The following ATG4C variants were observed in gnomAD, a reference collection of about 807,000 sequenced individuals.
The protein encoded by ATG4C is autophagy related 4C cysteine peptidase, also known as cysteine protease ATG4C.
ATG4C carries 56 observed loss-of-function variants against 57.6 expected under a neutral mutation model. The ratio of observed to expected loss-of-function variants is 0.97; its 90% CI spans 0.78 to 1.21. ATG4C has a LOEUF of 1.21. Among genes scored for constraint, ATG4C ranks in the 50% most tolerant of loss-of-function variants. The pLI, the probability that ATG4C is intolerant of heterozygous loss-of-function variation, is 0.00. For missense variants in ATG4C, 595 were observed against 529.8 expected, an observed-to-expected ratio of 1.12 and a Z score of -1.21; for synonymous variants, 157 against 174.1, an observed-to-expected ratio of 0.90 and a Z score of 0.78.
chr1:62,859,776 A>G (rs1172246131), intron 10 of ATG4C, among the ~76,000 whole-genome samples: 1 of 151,898 alleles, frequency 6.6e-6, no homozygotes, highest in African/African-American at 2.4e-5. Flanking sequence ...ACTGACTGCA[A>G]CCTCCGCCTC....
chr1:62,817,245 T>C (rs1338230159), intron 4 of ATG4C, among the ~76,000 whole-genome samples: 1 of 152,212 alleles, frequency 6.6e-6, no homozygotes, highest in Non-Finnish European at 1.5e-5. Context: ...CTCTGGTTTC[T>C]TTATTTTCTC....
chr1:62,832,857 C>G (rs555596450), intron 7 of ATG4C, among the ~76,000 whole-genome samples: 1 of 152,202 alleles, frequency 6.6e-6, no homozygotes, highest in East Asian at 1.9e-4. Flanking sequence ...ATATAGATCT[C>G]TATTTATTGA....
intron 1 of ATG4C, among the ~76,000 whole-genome samples, chr1:62,793,998 T>C (rs1664380585): frequency 6.6e-6 from 1 of 152,232 alleles, no homozygotes; most frequent in South Asian, 2.1e-4. Context: ...CAGAGGTTAC[T>C]AAGAACCTGA....
chr1:62,841,391 A>T (rs759709185), intron 9 of ATG4C, 37 bp from the exon 10 acceptor site: 1 of 1,541,316 alleles, frequency 6.5e-7, no homozygotes, highest in South Asian at 1.2e-5. Flanking sequence ...TTGTCTATCA[A>T]AGATAAATTA....
At chr1:62,813,760 AC>A (rs1310737149) in intron 3 of ATG4C, among the ~76,000 whole-genome samples, 8 of 152,332 alleles carry the variant, frequency 5.3e-5, no homozygotes, top group East Asian at 3.9e-4. Context: ...CAAGAAAAAA[AC>A]AATCCCATCA....
intron 10 of ATG4C, among the ~76,000 whole-genome samples, chr1:62,862,646 G>T (rs1401991814): frequency 1.3e-5 from 2 of 151,748 alleles, no homozygotes; most frequent in African/African-American, 4.8e-5. Flanking sequence ...ATGAACTATA[G>T]GATCTGATTT....
In ATG4C at chr1:62,809,973, A is replaced by C. The variant is rs138452959; in HGVS notation, c.160+4718A>C. Among the ~76,000 whole-genome samples the C allele has an allele frequency of 3.3e-5, 5 of 152,250 alleles. No individual in the cohort carries two copies. In the East Asian group the frequency reaches 7.7e-4, roughly 23 times the overall value. On this transcript the variant is annotated intron_variant, in intron 3 of 10. Coordinates refer to ENST00000317868, the MANE Select transcript of ATG4C (RefSeq NM_032852.4). ...TGAAACACTGTTGGTGGGAGGGTAA[A>C]TTGGTCTAACCTGTTTGTGAGAAAT...
chr1:62,788,117 CTTA>C (rs1216142110), intron 1 of ATG4C, among the ~76,000 whole-genome samples: 1 of 152,094 alleles, frequency 6.6e-6, no homozygotes, highest in Non-Finnish European at 1.5e-5. Flanking sequence ...TTTGTGATTA[CTTA>C]TTGTTTGTTA....
At chr1:62,845,960 C>T (rs563843858) in intron 10 of ATG4C, among the ~76,000 whole-genome samples, 5 of 152,230 alleles carry the variant, frequency 3.3e-5, no homozygotes, top group African/African-American at 1.2e-4. Context: ...TGTCAGCCTC[C>T]CAAAGGTAGA....
At chr1:62,809,239 A>G (rs1292596567) in intron 3 of ATG4C, among the ~76,000 whole-genome samples, 1 of 152,036 alleles carries the variant, frequency 6.6e-6, no homozygotes, top group Non-Finnish European at 1.5e-5. Context: ...GTGCCAGCCA[A>G]GAAGAACTTG....
At chr1:62,802,560 A>G (rs10889381) in intron 1 of ATG4C, among the ~76,000 whole-genome samples, 38,263 of 151,888 alleles carry the variant, frequency 0.25, 6,762 homozygotes, top group African/African-American at 0.5. Context: ...ATCTACTTTT[A>G]TTCCTTTCCA....
chr1:62,810,540 AATTGTCGTGAC>A (rs1299656631), intron 3 of ATG4C, among the ~76,000 whole-genome samples: 2 of 152,142 alleles, frequency 1.3e-5, no homozygotes, highest in Non-Finnish European at 2.9e-5. Flanking sequence ...TTGATGCTCA[AATTGTCGTGAC>A]ATTGGCCAGT....
intron 6 of ATG4C, among the ~76,000 whole-genome samples, chr1:62,825,337 A>G (rs1453842628): frequency 6.6e-6 from 1 of 151,836 alleles, no homozygotes. Context: ...CTCAGTCCTC[A>G]TATCACACAA....
intron 1 of ATG4C, among the ~76,000 whole-genome samples, chr1:62,802,021 C>G (rs919562917): frequency 6.8e-6 from 1 of 146,600 alleles, no homozygotes; most frequent in Non-Finnish European, 1.5e-5. Context: ...GCTTGTGTTT[C>G]TCAGAGACAT....
At chr1:62,824,281 G>T (rs1228295672) in intron 6 of ATG4C, among the ~76,000 whole-genome samples, 1 of 152,124 alleles carries the variant, frequency 6.6e-6, no homozygotes, top group Non-Finnish European at 1.5e-5. Flanking sequence ...GAAGATGAAG[G>T]GTAAGAATGC....
Position 62,829,188 on chromosome 1 carries a change from G to A in ATG4C, c.933+12G>A, listed in dbSNP as rs752159952. On this transcript the variant is annotated intron_variant, in intron 7 of 10. Coordinates refer to ENST00000317868, the MANE Select transcript of ATG4C (RefSeq NM_032852.4). ...TAGAATTTGTGAAGGTATGAAATAA[G>A]TGCTGAACTTTTTTAGGGCAATACT... 6.2e-7 allele frequency: 1 copy of A among 1,610,956 alleles called. No homozygotes were observed. The highest frequency in any genetic ancestry group is 1.3e-5 in the African/African-American group (1 of 74,892).
chr1:62,856,819 A>G (rs187757416), intron 10 of ATG4C, among the ~76,000 whole-genome samples: 3 of 152,276 alleles, frequency 2.0e-5, no homozygotes, highest in Admixed American at 1.3e-4. Context: ...CCTGAGCAGA[A>G]CCACCAAGGT....
At chr1:62,813,464 GACTTAAACT>G (rs1265714932) in intron 3 of ATG4C, among the ~76,000 whole-genome samples, 1 of 152,168 alleles carries the variant, frequency 6.6e-6, no homozygotes, top group African/African-American at 2.4e-5. Flanking sequence ...GTGGATTAAA[GACTTAAACT>G]AAGACCTAAA....
chr1:62,806,205 AG>A (rs1213078526), intron 3 of ATG4C, among the ~76,000 whole-genome samples: 1 of 152,198 alleles, frequency 6.6e-6, no homozygotes, highest in Non-Finnish European at 1.5e-5. Context: ...AATGCATTTT[AG>A]GTAAATAGAA....
Sources: allele counts gnomAD v4.1 joint callset (sites outside exome capture counted in the v4.1 genomes callset), GRCh38; gene constraint gnomAD v4.1.1; transcripts MANE v1.5; gene names NCBI Gene and HGNC (gene_info 2026-07-23, HGNC 2026-07-21).